The following KCNT2 variants were observed in gnomAD, a reference collection of about 807,000 sequenced individuals.
KCNT2 encodes the protein potassium channel subfamily T member 2.
Under a neutral mutation model 153.8 loss-of-function variants are expected in KCNT2, and 67 were observed. The observed-to-expected ratio is 0.44, with a 90% CI of 0.36 to 0.53. KCNT2 has a LOEUF of 0.53. Ranked by LOEUF, KCNT2 falls within the 20% of genes least tolerant of loss-of-function variation. The pLI, the probability that KCNT2 is intolerant of heterozygous loss-of-function variation, is 0.00. For missense variants in KCNT2, 975 were observed against 1,354.8 expected, an observed-to-expected ratio of 0.72 and a Z score of 4.40; for synonymous variants, 500 against 458.8, an observed-to-expected ratio of 1.09 and a Z score of -1.15.
At chr1:196,308,709 G>A (rs2147992542) in intron 21 of KCNT2, among the ~76,000 whole-genome samples, 1 of 152,044 alleles carries the variant, frequency 6.6e-6, no homozygotes, top group Non-Finnish European at 1.5e-5. Context: ...TCTAGTAGGT[G>A]GCAGGGCCTG....
At chr1:196,549,745 T>C (rs1166677511) in intron 1 of KCNT2, among the ~76,000 whole-genome samples, 1 of 151,876 alleles carries the variant, frequency 6.6e-6, no homozygotes, top group Non-Finnish European at 1.5e-5. Context: ...TATTCAGATA[T>C]GTTTGAGTAT....
intron 2 of KCNT2, among the ~76,000 whole-genome samples, chr1:196,491,264 A>G (rs1283178466): frequency 6.6e-6 from 1 of 151,974 alleles, no homozygotes; most frequent in Non-Finnish European, 1.5e-5. Context: ...GATATTCTGA[A>G]CAACCATGTT....
At chr1:196,548,022 T>C (rs1028917243) in intron 1 of KCNT2, among the ~76,000 whole-genome samples, 10 of 151,618 alleles carry the variant, frequency 6.6e-5, no homozygotes, top group African/African-American at 2.4e-4. Flanking sequence ...GTAATAGAAA[T>C]TTTAAGAAAT....
intron 5 of KCNT2, among the ~76,000 whole-genome samples, chr1:196,472,597 A>T (rs1267785978): frequency 6.6e-6 from 1 of 152,202 alleles, no homozygotes; most frequent in African/African-American, 2.4e-5. Context: ...GATTCACATC[A>T]GCGCCTCTAA....
chr1:196,418,903 G>A (rs932018650), intron 12 of KCNT2, among the ~76,000 whole-genome samples: 8 of 151,998 alleles, frequency 5.3e-5, no homozygotes, highest in African/African-American at 1.4e-4. Flanking sequence ...ATCAGGTAAC[G>A]CCAGCTTGGT....
chr1:196,582,948 C>T (rs373317607), intron 1 of KCNT2, among the ~76,000 whole-genome samples: 1 of 151,764 alleles, frequency 6.6e-6, no homozygotes, highest in Non-Finnish European at 1.5e-5. Context: ...ATTTGCATAG[C>T]GAAAAAGCCT....
At chr1:196,464,469 A>G (rs928056884) in intron 8 of KCNT2, among the ~76,000 whole-genome samples, 6 of 151,924 alleles carry the variant, frequency 3.9e-5, no homozygotes, top group African/African-American at 1.4e-4. Context: ...ACATGCATAC[A>G]TGTATAGCCA....
At chr1:196,596,084 A>C (rs979874878) in intron 1 of KCNT2, among the ~76,000 whole-genome samples, 6 of 34,662 alleles carry the variant, frequency 1.7e-4, no homozygotes, top group African/African-American at 4.1e-4. Context: ...ATATATATAT[A>C]TATATATATA....
Position 196,282,295 on chromosome 1 carries a change from G to C in KCNT2, c.2759C>G (p.Pro920Arg). Residue 920 changes from proline to arginine, a missense_variant, in exon 24 of 28, where the codon CCA becomes CGA. Physicochemically the swap from Pro to Arg is moderately radical, Grantham distance 103. Around this residue, in one of 6 missense-constraint regions of KCNT2, gnomAD observed 241 missense variants for 271.1 expected, o/e 0.89. Coordinates refer to ENST00000294725, the MANE Select transcript of KCNT2 (RefSeq NM_198503.5). Reference protein sequence around the residue: ...TRLLLGLDTTPGSGFLCSMKI... With the variant: ...TRLLLGLDTTRGSGFLCSMKI... ...TACAGAACAAAGAAACCCAGATCCT[G>C]GTGTAGTGTCCAGTCCCAACAGAAG... 6.3e-7 allele frequency: 1 copy of C among 1,596,446 alleles called. No individual in the cohort carries two copies. Among genetic ancestry groups the C allele is most frequent in the Non-Finnish European group, 8.6e-7 (1 of 1,164,884 alleles).
intron 1 of KCNT2, among the ~76,000 whole-genome samples, chr1:196,544,697 T>C (rs1395224748): frequency 1.3e-5 from 2 of 152,092 alleles, no homozygotes; most frequent in Non-Finnish European, 2.9e-5. Flanking sequence ...CTTTCTTTGG[T>C]ATGATTCCAT....
chr1:196,545,710 C>T (rs1283284961), intron 1 of KCNT2, among the ~76,000 whole-genome samples: 1 of 149,382 alleles, frequency 6.7e-6, no homozygotes, highest in Non-Finnish European at 1.5e-5. Flanking sequence ...CCAGTGAGCT[C>T]TCCATCCCAC....
At chr1:196,246,872 A>T (rs1655495397) in intron 26 of KCNT2, among the ~76,000 whole-genome samples, 1 of 152,154 alleles carries the variant, frequency 6.6e-6, no homozygotes, top group Non-Finnish European at 1.5e-5. Flanking sequence ...AAGTAAGAGA[A>T]GACCACAAAA....
intron 1 of KCNT2, among the ~76,000 whole-genome samples, chr1:196,558,503 T>C (rs982648430): frequency 6.6e-6 from 1 of 151,298 alleles, no homozygotes; most frequent in African/African-American, 2.4e-5. Flanking sequence ...AGGAATAATA[T>C]TTTCACAACC....
intron 14 of KCNT2, among the ~76,000 whole-genome samples, chr1:196,367,452 A>T (rs1032749124): frequency 7.2e-5 from 11 of 152,268 alleles, no homozygotes; most frequent in Non-Finnish European, 1.5e-4. Flanking sequence ...TAATCTAATG[A>T]TTTTTAAAAA....
intron 13 of KCNT2, among the ~76,000 whole-genome samples, chr1:196,388,791 T>A (rs1367058521): frequency 2.6e-5 from 4 of 151,834 alleles, no homozygotes; most frequent in Admixed American, 2.0e-4. Context: ...TATAGATTCA[T>A]TACCATTTTT....
intron 1 of KCNT2, among the ~76,000 whole-genome samples, chr1:196,542,771 A>G (rs1444591370): frequency 6.6e-6 from 1 of 152,152 alleles, no homozygotes; most frequent in Non-Finnish European, 1.5e-5. Flanking sequence ...ATGGCAATAA[A>G]TAAGATACCT....
At chr1:196,257,848 G>T in intron 26 of KCNT2, 1 of 984,884 alleles carries the variant, frequency 1.0e-6, no homozygotes, top group South Asian at 4.7e-5. Flanking sequence ...TTTATCTCAG[G>T]CACTAGAATA....
intron 1 of KCNT2, among the ~76,000 whole-genome samples, chr1:196,503,298 A>G (rs955516636): frequency 2.0e-5 from 3 of 152,180 alleles, no homozygotes; most frequent in African/African-American, 7.2e-5. Context: ...AAGTACATAT[A>G]CATATGTAAA....
intron 22 of KCNT2, among the ~76,000 whole-genome samples, chr1:196,289,185 CT>C (rs1176181390): frequency 6.6e-6 from 1 of 152,022 alleles, no homozygotes; most frequent in African/African-American, 2.4e-5. Context: ...ACTTCCCAGG[CT>C]TTTACTGGAC....
Sources: allele counts gnomAD v4.1 joint callset (sites outside exome capture counted in the v4.1 genomes callset), GRCh38; gene constraint gnomAD v4.1.1; regional missense constraint gnomAD v4.1.1; transcripts MANE v1.5; gene names NCBI Gene and HGNC (gene_info 2026-07-23, HGNC 2026-07-21).